The following TDRKH variants were observed in gnomAD, a reference collection of about 807,000 sequenced individuals.
The protein encoded by TDRKH is tudor and KH domain containing.
TDRKH carries 28 observed loss-of-function variants against 61.3 expected under a neutral mutation model. That is an observed-to-expected ratio of 0.46 (90% CI 0.34 to 0.63). The LOEUF (loss-of-function observed/expected upper bound fraction) is 0.63, where lower values mean the gene tolerates loss of function less well. Among genes scored for constraint, TDRKH ranks in the 20% least tolerant of loss-of-function variants. The probability of loss-of-function intolerance (pLI) is 0.01; values close to 1 mark genes in which losing one functional copy is unlikely to be tolerated. For synonymous variants in TDRKH, 219 were observed against 244.4 expected, an observed-to-expected ratio of 0.90 and a Z score of 0.97; for missense variants, 540 against 683.4, an observed-to-expected ratio of 0.79 and a Z score of 2.34.
At chr1:151,769,961 A>T, downstream of TDRKH, 1 of 687,304 alleles carries the variant, frequency 1.5e-6, no homozygotes. Context: ...AATCCCAGGC[A>T]CTCAGCAGGC....
At chr1:151,766,562 A>C, downstream of TDRKH, 1 of 685,122 alleles carries the variant, frequency 1.5e-6, no homozygotes, top group South Asian at 1.9e-5. Flanking sequence ...ATAAGGGATT[A>C]GGGTAGATAA....
downstream of TDRKH, chr1:151,767,419 T>A (rs943960041): frequency 3.5e-5 from 52 of 1,496,330 alleles, no homozygotes; most frequent in Admixed American, 4.4e-5. Context: ...TTGGAACGCA[T>A]GTGTAAAAGC....
At chr1:151,783,085 C>G (rs1027328995) in intron 1 of TDRKH, 36 bp from the exon 2 acceptor site, 1 of 1,576,376 alleles carries the variant, frequency 6.3e-7, no homozygotes, top group African/African-American at 1.4e-5. Context: ...AGGGAGGTTT[C>G]ATCCAATCCT....
chr1:151,766,621 T>G, downstream of TDRKH: 3 of 1,397,866 alleles, frequency 2.1e-6, no homozygotes, highest in Non-Finnish European at 2.9e-6. Flanking sequence ...CCCTTATCCA[T>G]GTCATAGTGC....
chr1:151,786,987 CT>C (rs932386663), intron 1 of TDRKH, among the ~76,000 whole-genome samples: 1 of 152,102 alleles, frequency 6.6e-6, no homozygotes, highest in East Asian at 1.9e-4. Context: ...ATAAGCTTCT[CT>C]TTTTTTAAAT....
Position 151,780,136 on chromosome 1 carries a change from C to T in TDRKH, c.236G>A (p.Arg79Gln), listed in dbSNP as rs758798421. 5.6e-6 allele frequency: 9 copies of T among 1,609,198 alleles called. No individual in the cohort carries two copies. Among genetic ancestry groups the T allele is most frequent in the Middle Eastern group, 1.6e-4 (1 of 6,070 alleles). The change falls in exon 4 of 13, where the codon CGG becomes CAG. Residue 79 changes from arginine to glutamine, a missense_variant. This residue lies in a region of TDRKH where 156 missense variants were observed against 218.0 expected (regional missense o/e 0.72). Coordinates refer to ENST00000368824, the MANE Select transcript of TDRKH (RefSeq NM_001083965.2). The part of the protein sequence containing the change: ...GRQGANIKQL[R>Q]KQTGARIDVD... ...ATCAATCCGAGCACCTGTCTGTTTC[C>T]GCAGCTGCAAAGAAAAGGACATTTG...
At chr1:151,770,142 A>G (rs771805929), downstream of TDRKH, 1 of 1,612,144 alleles carries the variant, frequency 6.2e-7, no homozygotes. Context: ...GAGCGGCCAA[A>G]CATTTTAACT....
chr1:151,780,011 C>G lies in TDRKH; in HGVS notation c.361G>C (p.Glu121Gln). The change falls in exon 4 of 13, where the codon GAG becomes CAG. Residue 121 changes from glutamate to glutamine, a missense_variant. By Grantham distance (29) the Glu-to-Gln change is conservative. This residue lies in a region of TDRKH where 156 missense variants were observed against 218.0 expected (regional missense o/e 0.72). Coordinates refer to ENST00000368824, the MANE Select transcript of TDRKH (RefSeq NM_001083965.2). ...AKAAIHQILTENTPVSEQLSV... is the reference protein window; with the variant it reads ...AKAAIHQILTQNTPVSEQLSV... ...AGCTGCTCAGACACTGGGGTATTCTCTGTCAGGATCTGATGGATTGCTGCT... is the reference window on the plus strand; with the variant it reads ...AGCTGCTCAGACACTGGGGTATTCTGTGTCAGGATCTGATGGATTGCTGCT... The G allele has an allele frequency of 6.2e-7, 1 of 1,614,220 alleles. No individual in the cohort carries two copies. Among genetic ancestry groups the G allele is most frequent in the African/African-American group, 1.3e-5 (1 of 75,060 alleles).
At chr1:151,767,984 G>A (rs1648423853), downstream of TDRKH, 24 of 1,572,056 alleles carry the variant, frequency 1.5e-5, no homozygotes, top group Non-Finnish European at 2.0e-5. Context: ...TGCCCACCTT[G>A]CTTCAACGGA....
downstream of TDRKH, chr1:151,767,474 C>G: frequency 7.7e-7 from 1 of 1,294,994 alleles, no homozygotes; most frequent in Non-Finnish European, 1.0e-6. Context: ...ACTGTAAAAT[C>G]AAGGTCATAC....
chr1:151,784,271 T>A (rs1359529396), intron 1 of TDRKH, among the ~76,000 whole-genome samples: 3 of 152,230 alleles, frequency 2.0e-5, no homozygotes, highest in African/African-American at 7.2e-5. Context: ...TACTACATGA[T>A]TAACGTTTTC....
At chr1:151,781,457 C>T in intron 3 of TDRKH, 24 bp downstream of exon 3, 1 of 1,597,204 alleles carries the variant, frequency 6.3e-7, no homozygotes, top group Non-Finnish European at 8.6e-7. Context: ...CTTGGGAAAG[C>T]AGACTGCCTA....
intron 6 of TDRKH, 124 bp from the exon 7 acceptor site, chr1:151,776,723 G>A (rs1649219798): frequency 9.4e-7 from 1 of 1,068,698 alleles, no homozygotes; most frequent in Non-Finnish European, 1.3e-6. Context: ...GGCAGGAGAG[G>A]CAACTGGATG....
chr1:151,779,716 C>A (rs1330637005), intron 4 of TDRKH: 5 of 466,242 alleles, frequency 1.1e-5, no homozygotes, highest in Non-Finnish European at 1.9e-5. Flanking sequence ...AAATATAATA[C>A]ATCTACTAGA....
In TDRKH at chr1:151,787,229, TA is replaced by T. The variant is rs1397339010; in HGVS notation, c.-28+3150del. Among the ~76,000 whole-genome samples, 5 of 152,346 alleles carry T rather than the reference TA, an allele frequency of 3.3e-5. No individual in the cohort carries two copies. In the South Asian group the frequency reaches 1.0e-3, roughly 32 times the overall value. On this transcript the variant is annotated intron_variant, in intron 1 of 12. Coordinates refer to ENST00000368824, the MANE Select transcript of TDRKH (RefSeq NM_001083965.2). Reference sequence around the variant, plus strand: ...GTCCCCTGATTACTTTAGATATATATATTTTTTGAGACGGAGTCTCACTCTG... The same window carrying T: ...GTCCCCTGATTACTTTAGATATATATTTTTTTGAGACGGAGTCTCACTCTG...
At chr1:151,781,028 C>A (rs1313992730) in intron 3 of TDRKH, among the ~76,000 whole-genome samples, 1 of 151,482 alleles carries the variant, frequency 6.6e-6, no homozygotes, top group Non-Finnish European at 1.5e-5. Flanking sequence ...TAAAAATATA[C>A]ATAGTGGTTG....
intron 3 of TDRKH, among the ~76,000 whole-genome samples, chr1:151,780,499 C>T (rs1649646530): frequency 6.6e-6 from 1 of 152,222 alleles, no homozygotes; most frequent in African/African-American, 2.4e-5. Context: ...TAAGAAGAAC[C>T]AGGTAGCCAT....
intron 6 of TDRKH, 112 bp downstream of exon 6, chr1:151,778,573 A>T (rs1476277188): frequency 6.4e-7 from 1 of 1,574,796 alleles, no homozygotes; most frequent in Non-Finnish European, 8.7e-7. Context: ...TCCTGACCCC[A>T]GCCATATTAT....
chr1:151,774,762 G>T lies in TDRKH; in HGVS notation c.1581C>A (p.Thr527=). 1 of 1,614,156 alleles carries T rather than the reference G, an allele frequency of 6.2e-7. No homozygotes were observed. The highest frequency in any genetic ancestry group is 8.5e-7 in the Non-Finnish European group (1 of 1,180,028). The change falls in exon 12 of 13, where the codon ACC becomes ACA. Residue 527 remains threonine, a synonymous_variant. Coordinates refer to ENST00000368824, the MANE Select transcript of TDRKH (RefSeq NM_001083965.2). Reference sequence around the variant, plus strand: ...GTGTTATCTCTCCAGAGCTCTTTTTGGTCTCAGTGAGCAACGTGCTGAGAG... The same window carrying T: ...GTGTTATCTCTCCAGAGCTCTTTTTTGTCTCAGTGAGCAACGTGCTGAGAG... ...DASLSTLLTE[T]KKSSGEITHT...
Sources: gnomAD v4.1 joint callset for allele counts (sites outside exome capture counted in the v4.1 genomes callset) on GRCh38, gnomAD v4.1.1 for gene constraint, gnomAD v4.1.1 regional missense constraint, MANE v1.5 for transcripts, NCBI Gene and HGNC (gene_info 2026-07-23, HGNC 2026-07-21) for gene names.